RBFOX3: variants seen among roughly 807,000 people sequenced by gnomAD.
RBFOX3 encodes RNA binding fox-1 homolog 3.
In RBFOX3, 17 loss-of-function variants were observed where a neutral mutation model predicts 48.7. That is an observed-to-expected ratio of 0.35 (90% CI 0.24 to 0.52). The LOEUF (loss-of-function observed/expected upper bound fraction) is 0.52. Ranked by LOEUF, RBFOX3 falls within the 20% of genes least tolerant of loss-of-function variation. The pLI, the probability that RBFOX3 is intolerant of heterozygous loss-of-function variation, is 0.94. For missense variants in RBFOX3, 382 were observed against 497.5 expected (o/e 0.77, Z 2.21); for synonymous variants, 212 against 209.5 (o/e 1.01, Z -0.10).
chr17:79,627,944 A>C, the RBFOX3 span, among the ~76,000 whole-genome samples: 10 of 124,700 alleles, frequency 8.0e-5, no homozygotes, highest in South Asian at 2.7e-4. Context: ...CAACCCCCTC[A>C]CCTCTGTTTG....
At chr17:79,452,662 C>T (rs2073749639) in intron 2 of RBFOX3, among the ~76,000 whole-genome samples, 1 of 152,146 alleles carries the variant, frequency 6.6e-6, no homozygotes, top group South Asian at 2.1e-4. Flanking sequence ...AAGAAAGAAG[C>T]CACACAGCAG....
At chr17:79,237,057 C>T (rs533425713) in intron 3 of RBFOX3, among the ~76,000 whole-genome samples, 37 of 152,204 alleles carry the variant, frequency 2.4e-4, no homozygotes, top group Non-Finnish European at 5.3e-4. Context: ...ATCACTGCTG[C>T]TCTCTGATGC....
At chr17:79,441,595 A>G (rs1303509738) in intron 2 of RBFOX3, among the ~76,000 whole-genome samples, 2 of 152,194 alleles carry the variant, frequency 1.3e-5, no homozygotes, top group East Asian at 3.9e-4. Context: ...AGCCTCTGGA[A>G]GGAGTTAGCC....
intron 2 of RBFOX3, among the ~76,000 whole-genome samples, chr17:79,436,082 T>C (rs572939828): frequency 2.6e-5 from 4 of 152,270 alleles, no homozygotes; most frequent in African/African-American, 9.6e-5. Flanking sequence ...CAGGCCCATG[T>C]GTGGATTCTT....
chr17:79,467,896 C>T (rs944023935), intron 2 of RBFOX3, among the ~76,000 whole-genome samples: 7 of 152,060 alleles, frequency 4.6e-5, no homozygotes, highest in Admixed American at 2.0e-4. Flanking sequence ...GCCCTCTGAC[C>T]CTCTGATTTC....
upstream of RBFOX3, among the ~76,000 whole-genome samples, chr17:79,611,294 G>T (rs1243313305): frequency 1.4e-5 from 2 of 141,212 alleles, no homozygotes; most frequent in Non-Finnish European, 3.0e-5. Flanking sequence ...CAGCTCGAGC[G>T]GAGCGCGCAG....
intron 3 of RBFOX3, among the ~76,000 whole-genome samples, chr17:79,286,615 G>A (rs867909837): frequency 5.9e-5 from 9 of 152,302 alleles, no homozygotes; most frequent in East Asian, 3.9e-4. Flanking sequence ...TCCCAGCCTC[G>A]CCAGCCACCC....
intron 2 of RBFOX3, among the ~76,000 whole-genome samples, chr17:79,343,884 G>A (rs1376036286): frequency 2.0e-5 from 3 of 152,148 alleles, no homozygotes; most frequent in East Asian, 1.9e-4. Context: ...CAGCCTGCCC[G>A]TATCTAAGCT....
chr17:79,164,800 G>A (rs937135545), intron 4 of RBFOX3, among the ~76,000 whole-genome samples: 23 of 152,174 alleles, frequency 1.5e-4, no homozygotes, highest in Admixed American at 1.5e-3. Flanking sequence ...CTGGGCAGCG[G>A]GCTGGGAGGG....
chr17:79,301,813 G>A (rs886373839), intron 3 of RBFOX3, among the ~76,000 whole-genome samples: 2 of 152,214 alleles, frequency 1.3e-5, no homozygotes, highest in African/African-American at 2.4e-5. Context: ...CAATGTGAAT[G>A]AGCCCCGAAG....
chr17:79,343,159 G>C (rs1458057510), intron 2 of RBFOX3, among the ~76,000 whole-genome samples: 1 of 152,124 alleles, frequency 6.6e-6, no homozygotes, highest in Admixed American at 6.5e-5. Flanking sequence ...AGTACATGAC[G>C]ATCTCTTCAT....
At chr17:79,411,232 T>C (rs1366881268) in intron 2 of RBFOX3, among the ~76,000 whole-genome samples, 3 of 152,134 alleles carry the variant, frequency 2.0e-5, no homozygotes, top group African/African-American at 7.2e-5. Context: ...GGGTGTGTGT[T>C]CCAGCTTCTG....
At chr17:79,369,728 G>T (rs548153880) in intron 2 of RBFOX3, among the ~76,000 whole-genome samples, 7 of 152,070 alleles carry the variant, frequency 4.6e-5, no homozygotes, top group Non-Finnish European at 8.8e-5. Context: ...GGCCTTTCAG[G>T]TCCTGCAGCT....
At chr17:79,532,717 C>G (rs2088001273) in intron 1 of RBFOX3, among the ~76,000 whole-genome samples, 1 of 152,224 alleles carries the variant, frequency 6.6e-6, no homozygotes, top group Non-Finnish European at 1.5e-5. Context: ...AGAGTCTTGG[C>G]CTTGCTGCCC....
intron 2 of RBFOX3, among the ~76,000 whole-genome samples, chr17:79,436,894 G>T (rs555895506): frequency 6.6e-6 from 1 of 152,122 alleles, no homozygotes; most frequent in Non-Finnish European, 1.5e-5. Context: ...CCTCCACTTG[G>T]CCCCTGGTGA....
chr17:79,520,998 G>A (rs982603519), intron 1 of RBFOX3, among the ~76,000 whole-genome samples: 100 of 152,376 alleles, frequency 6.6e-4, no homozygotes, highest in African/African-American at 2.4e-3. Flanking sequence ...TCCCGAGCAG[G>A]GAGCACACGG....
chr17:79,521,499 G>GAT (rs1385915086), intron 1 of RBFOX3, among the ~76,000 whole-genome samples: 8 of 151,190 alleles, frequency 5.3e-5, no homozygotes, highest in Non-Finnish European at 4.4e-5. Flanking sequence ...CACACACGCA[G>GAT]ATATATACTC....
Position 79,103,375 on chromosome 17 carries a change from G to A in RBFOX3, c.415-121C>T, listed in dbSNP as rs1021011465. The A allele has an allele frequency of 1.4e-6, 1 of 716,670 alleles. No individual in the cohort carries two copies. Among genetic ancestry groups the A allele is most frequent in the Non-Finnish European group, 2.4e-6 (1 of 409,994 alleles). 44.4% of individuals were successfully genotyped at this position (716,670 alleles called of 1,614,324 possible). A position where few individuals can be genotyped will look rare whatever the true frequency, so the allele number is the denominator to read the frequency against. ...AGGGGAGTGGGGAGAGAGAGAGAAG[G>A]GGTTGAGTCAGGTGAGTTGAGGCAG... On this transcript the variant is annotated intron_variant, in intron 7 of 14. Coordinates refer to ENST00000693108, the MANE Select transcript of RBFOX3 (RefSeq NM_001350451.2). This position sits in a 1 kb window ranked among gnomAD's most constrained non-coding sequence, Gnocchi z 6.1.
chr17:79,655,578 G>A, the RBFOX3 span, among the ~76,000 whole-genome samples: 1 of 152,212 alleles, frequency 6.6e-6, no homozygotes, highest in South Asian at 2.1e-4. Context: ...GAGCCGGCAG[G>A]AGGCCATTGG....
Sources: gnomAD v4.1 joint callset for allele counts (sites outside exome capture counted in the v4.1 genomes callset) on GRCh38, gnomAD v4.1.1 for gene constraint, Gnocchi (gnomAD v3.1) non-coding constraint, MANE v1.5 for transcripts, NCBI Gene and HGNC (gene_info 2026-07-23, HGNC 2026-07-21) for gene names.